The following CLDN16 variants were observed in gnomAD, a reference collection of about 807,000 sequenced individuals.
CLDN16 encodes claudin-16.
A neutral mutation model predicts 24.6 loss-of-function variants in CLDN16; 13 were observed. The observed-to-expected ratio is 0.53, with a 90% CI of 0.34 to 0.84. CLDN16 has a LOEUF of 0.84. Among genes scored for constraint, CLDN16 ranks in the 40% least tolerant of loss-of-function variants. The probability of loss-of-function intolerance (pLI) is 0.01; values close to 1 mark genes in which losing one functional copy is unlikely to be tolerated. For synonymous variants in CLDN16, 116 were observed against 106.7 expected (o/e 1.09, Z -0.54); for missense variants, 298 against 292.7 (o/e 1.02, Z -0.13).
At chr3:190,375,184 CT>C (rs1458852558) in intron 3 of CLDN16, among the ~76,000 whole-genome samples, 3 of 151,928 alleles carry the variant, frequency 2.0e-5, no homozygotes, top group Admixed American at 2.0e-4. Context: ...GATAACCCTA[CT>C]TTTTTCTTTC....
chr3:190,316,283 A>T, the CLDN16 span, among the ~76,000 whole-genome samples: 1 of 152,202 alleles, frequency 6.6e-6, no homozygotes, highest in Admixed American at 6.5e-5. Flanking sequence ...CCTGGCAACT[A>T]TTGACTTATA....
At chr3:190,355,184 A>G (rs1244949070) in intron 1 of CLDN16, among the ~76,000 whole-genome samples, 3 of 151,982 alleles carry the variant, frequency 2.0e-5, no homozygotes, top group Non-Finnish European at 4.4e-5. Flanking sequence ...CCATTATTAT[A>G]TACTTTTAGA....
At chr3:190,298,297 A>G in the CLDN16 span, among the ~76,000 whole-genome samples, 2 of 151,240 alleles carry the variant, frequency 1.3e-5, no homozygotes, top group African/African-American at 4.9e-5. Flanking sequence ...AAATTTTGTT[A>G]TTCATGTCCA....
the CLDN16 span, among the ~76,000 whole-genome samples, chr3:190,297,367 C>T: frequency 6.6e-6 from 1 of 150,546 alleles, no homozygotes; most frequent in Non-Finnish European, 1.5e-5. Context: ...GGGGAAAGGA[C>T]TCTACCCAAA....
chr3:190,325,050 T>G (rs911075098), intron 1 of CLDN16, among the ~76,000 whole-genome samples: 1 of 152,222 alleles, frequency 6.6e-6, no homozygotes, highest in African/African-American at 2.4e-5. Flanking sequence ...GGGATGGGGT[T>G]AATTTCTGAA....
the CLDN16 span, among the ~76,000 whole-genome samples, chr3:190,294,796 C>T: frequency 6.6e-6 from 1 of 152,024 alleles, no homozygotes; most frequent in Admixed American, 6.6e-5. Flanking sequence ...CTATAAACCA[C>T]ATGACTTATA....
the CLDN16 span, among the ~76,000 whole-genome samples, chr3:190,292,993 C>T: frequency 6.6e-6 from 1 of 152,226 alleles, no homozygotes; most frequent in African/African-American, 2.4e-5. Context: ...TTTTCTGCAT[C>T]TTTATAGCAG....
At chr3:190,383,730 A>T (rs899052446), upstream of CLDN16, among the ~76,000 whole-genome samples, 1 of 152,182 alleles carries the variant, frequency 6.6e-6, no homozygotes, top group Non-Finnish European at 1.5e-5. Context: ...TTATGACTAC[A>T]CTTTTTCTTT....
chr3:190,388,315 G>A lies in CLDN16; in HGVS notation c.-15G>A. 1.2e-6 allele frequency: 2 copies of A among 1,614,098 alleles called. No homozygotes were observed. Among genetic ancestry groups the A allele is most frequent in the Non-Finnish European group, 8.5e-7 (1 of 1,180,014 alleles). On this transcript the variant is annotated 5_prime_UTR_variant, in exon 1 of 5. The change abolishes an upstream ATG in the 5' untranslated region. Transcript: ENST00000264734. Reference sequence around the variant, plus strand: ...TGTCTGCCCATGTTGCCATCCTGATGGGCTGCTTGCCACAATGAGGGATCT... The same window carrying A: ...TGTCTGCCCATGTTGCCATCCTGATAGGCTGCTTGCCACAATGAGGGATCT...
At chr3:190,391,524 A>T (rs1718674830) in intron 1 of CLDN16, among the ~76,000 whole-genome samples, 1 of 152,210 alleles carries the variant, frequency 6.6e-6, no homozygotes. Flanking sequence ...GGGCCATCGA[A>T]GCAGGTCTCA....
At chr3:190,320,209 C>T (rs1716882496), upstream of CLDN16, among the ~76,000 whole-genome samples, 1 of 152,114 alleles carries the variant, frequency 6.6e-6, no homozygotes, top group Non-Finnish European at 1.5e-5. Flanking sequence ...CAACATAGAT[C>T]AATCTGATTT....
At chr3:190,362,050 G>GGTCTAACCTT (rs1717900545) in intron 1 of CLDN16, among the ~76,000 whole-genome samples, 3 of 151,844 alleles carry the variant, frequency 2.0e-5, no homozygotes, top group Non-Finnish European at 2.9e-5. Flanking sequence ...GGTCTAACCT[G>GGTCTAACCTT]TGTAAATCAG....
chr3:190,397,378 CAG>C (rs750060917), intron 1 of CLDN16, among the ~76,000 whole-genome samples: 7 of 152,116 alleles, frequency 4.6e-5, no homozygotes, highest in African/African-American at 7.2e-5. Flanking sequence ...ACAACTCTGT[CAG>C]ATTAAAAGTT....
upstream of CLDN16, chr3:190,321,943 G>C (rs1716932638): frequency 9.9e-6 from 15 of 1,521,494 alleles, no homozygotes; most frequent in Non-Finnish European, 1.4e-5. Flanking sequence ...CAGGGGGACT[G>C]GGGCCTCTGG....
intron 1 of CLDN16, among the ~76,000 whole-genome samples, chr3:190,344,138 TTTTGAAAAACGC>T (rs1364231495): frequency 2.1e-5 from 3 of 143,390 alleles, no homozygotes; most frequent in African/African-American, 9.0e-5. Flanking sequence ...TAAAAAATAA[TTTTGAAAAACGC>T]TTTGAAAGCA....
At chr3:190,379,975 G>GTCTATTTATCTATCTATCTATCTA (rs1553806905) in intron 3 of CLDN16, among the ~76,000 whole-genome samples, 3 of 149,104 alleles carry the variant, frequency 2.0e-5, no homozygotes, top group African/African-American at 4.9e-5. Flanking sequence ...TATCAACTCT[G>GTCTATTTATCTATCTATCTATCTA]TCTATCTATC....
At chr3:190,387,991 T>C (rs1718547876), upstream of CLDN16, 2 of 835,196 alleles carry the variant, frequency 2.4e-6, no homozygotes, top group African/African-American at 1.7e-5. Context: ...CACTGGCACT[T>C]GGTCTGGTGA....
At chr3:190,384,216 A>T (rs1317922208), upstream of CLDN16, among the ~76,000 whole-genome samples, 1 of 152,170 alleles carries the variant, frequency 6.6e-6, no homozygotes, top group African/African-American at 2.4e-5. Flanking sequence ...GGGAGTTAGA[A>T]GACTATTTAT....
At chr3:190,360,728 G>A (rs1042186637) in intron 1 of CLDN16, among the ~76,000 whole-genome samples, 1 of 151,100 alleles carries the variant, frequency 6.6e-6, no homozygotes, top group Non-Finnish European at 1.5e-5. Context: ...TCTCCATAGA[G>A]TTCCATTTAG....
Sources: gnomAD v4.1 joint callset for allele counts (sites outside exome capture counted in the v4.1 genomes callset) on GRCh38, gnomAD v4.1.1 for gene constraint, MANE v1.5 for transcripts, NCBI Gene and HGNC (gene_info 2026-07-23, HGNC 2026-07-21) for gene names.